Variants in SEC31A observed in about 807,000 individuals in gnomAD.
SEC31A encodes the protein protein transport protein Sec31A.
In SEC31A, 70 loss-of-function variants were observed where a neutral mutation model predicts 151.0. The observed-to-expected ratio is 0.46, with a 90% confidence interval of 0.38 to 0.57. SEC31A has a LOEUF of 0.57. SEC31A is among the 20% of genes least tolerant of loss of function. The pLI is 0.00. For synonymous variants in SEC31A, 475 were observed against 505.9 expected, an observed-to-expected ratio of 0.94 and a Z score of 0.82; for missense variants, 1,330 against 1,471.2, an observed-to-expected ratio of 0.90 and a Z score of 1.57.
At chr4:82,852,351 C>T (rs1247726302) in intron 18 of SEC31A, among the ~76,000 whole-genome samples, 1 of 152,186 alleles carries the variant, frequency 6.6e-6, no homozygotes, top group East Asian at 1.9e-4. Flanking sequence ...AATAGTACTA[C>T]TATGAGGTGA....
intron 3 of SEC31A, chr4:82,897,761 G>A (rs552748559): frequency 6.6e-6 from 1 of 151,788 alleles, no homozygotes. Context: ...AAAATGAAAT[G>A]AAATTAAAAA....
chr4:82,897,476 T>C (rs1720112234), intron 3 of SEC31A, among the ~76,000 whole-genome samples: 1 of 152,214 alleles, frequency 6.6e-6, no homozygotes, highest in African/African-American at 2.4e-5. Flanking sequence ...AGAGTTATTA[T>C]GAGAAATAAA....
intron 10 of SEC31A, among the ~76,000 whole-genome samples, chr4:82,866,400 G>C (rs1735405145): frequency 6.6e-6 from 1 of 152,048 alleles, no homozygotes. Flanking sequence ...GAACCAAGGA[G>C]GCGGAGGTTG....
chr4:82,850,025 C>G (rs1408917032), intron 19 of SEC31A, among the ~76,000 whole-genome samples: 1 of 151,046 alleles, frequency 6.6e-6, no homozygotes, highest in Admixed American at 6.6e-5. Context: ...GGACGTATTC[C>G]CCCCACCAAA....
intron 22 of SEC31A, among the ~76,000 whole-genome samples, chr4:82,841,266 T>C (rs553345480): frequency 1.3e-5 from 2 of 148,654 alleles, no homozygotes; most frequent in Non-Finnish European, 3.0e-5. Context: ...CTACCAAAAA[T>C]ACAAAAATTA....
At chr4:82,854,799 T>C (rs1460490069) in intron 17 of SEC31A, 104 bp downstream of exon 17, 148 of 1,200,206 alleles carry the variant, frequency 1.2e-4, no homozygotes, top group Non-Finnish European at 1.6e-4. Flanking sequence ...TTTTTGTGAT[T>C]TGTAGATTTT....
chr4:82,835,521 G>T (rs781325023), intron 22 of SEC31A, among the ~76,000 whole-genome samples: 42 of 152,200 alleles, frequency 2.8e-4, no homozygotes, highest in Non-Finnish European at 3.8e-4. Context: ...GTAAGGTCAG[G>T]CGTGGTGGCT....
At chr4:82,856,853 C>G (rs1347990689) in intron 16 of SEC31A, 99 bp downstream of exon 16, 8 of 1,003,776 alleles carry the variant, frequency 8.0e-6, no homozygotes, top group Non-Finnish European at 1.1e-5. Flanking sequence ...TTTTAAAATT[C>G]TTTACTGGTT....
At chr4:82,861,574 G>T in intron 14 of SEC31A, 57 bp downstream of exon 14, 1 of 1,139,418 alleles carries the variant, frequency 8.8e-7, no homozygotes, top group Non-Finnish European at 1.3e-6. Context: ...TTATTTTAAT[G>T]TGAGATACAC....
At chr4:82,891,377 C>A (rs1441807047), upstream of SEC31A, 9 of 607,666 alleles carry the variant, frequency 1.5e-5, no homozygotes, top group East Asian at 2.3e-4. Flanking sequence ...CCCCGGCGAT[C>A]GTAGAAACCC....
intron 19 of SEC31A, among the ~76,000 whole-genome samples, chr4:82,850,180 G>T (rs1731191024): frequency 1.3e-5 from 2 of 151,316 alleles, no homozygotes; most frequent in Non-Finnish European, 1.5e-5. Flanking sequence ...TACTGAAAAT[G>T]AATTAAGCTA....
At chr4:82,869,928 A>G (rs1736274777) in intron 8 of SEC31A, among the ~76,000 whole-genome samples, 1 of 152,184 alleles carries the variant, frequency 6.6e-6, no homozygotes, top group South Asian at 2.1e-4. Flanking sequence ...AACTGTATCT[A>G]CTGATTTCCA....
At chr4:82,835,702 T>C (rs1578154332) in intron 22 of SEC31A, among the ~76,000 whole-genome samples, 1 of 151,704 alleles carries the variant, frequency 6.6e-6, no homozygotes, top group Non-Finnish European at 1.5e-5. Context: ...TGCTGAGGCA[T>C]GAGAATTGCT....
chr4:82,882,041 AC>A, intron 1 of SEC31A, 101 bp from the exon 2 acceptor site: 1 of 851,574 alleles, frequency 1.2e-6, no homozygotes, highest in East Asian at 2.5e-5. Context: ...AACCACTACA[AC>A]ATTAGTAATG....
rs765855477 is a variant in SEC31A, at chr4:82,842,249, G to A, written c.2859C>T (p.Phe953=). The change falls in exon 22 of 27, where the codon TTC becomes TTT. Residue 953 remains phenylalanine (F), a synonymous_variant. Transcript: ENST00000395310. ...GTGGAGCTCCTGGTCCGCCATGCTGGAAGGATGCTCCAGAGGAAGGGGGAG... is the reference window on the plus strand; with the variant it reads ...GTGGAGCTCCTGGTCCGCCATGCTGAAAGGATGCTCCAGAGGAAGGGGGAG... The part of the protein sequence containing the change: ...FPPPPSSGAS[F]QHGGPGAPPS... 1.2e-6 allele frequency: 2 copies of A among 1,613,998 alleles called. No homozygotes were observed. The highest frequency in any genetic ancestry group is 3.3e-5 in the Admixed American group (2 of 60,016).
At chr4:82,861,751 G>C (rs1734166415) in intron 13 of SEC31A, 43 bp from the exon 14 acceptor site, 1 of 1,353,402 alleles carries the variant, frequency 7.4e-7, no homozygotes, top group African/African-American at 1.4e-5. Flanking sequence ...GAAGAATGTA[G>C]TATTAAAAGG....
At chr4:82,853,775 T>A in intron 17 of SEC31A, 60 bp from the exon 18 acceptor site, 1 of 1,338,440 alleles carries the variant, frequency 7.5e-7, no homozygotes, top group Non-Finnish European at 1.0e-6. Flanking sequence ...TATGAGGCTG[T>A]GAGCAGCTAA....
rs749543393 is a variant in SEC31A at position 82,851,516 on chromosome 4, G to A, written c.2243C>T (p.Ala748Val). 3.2e-5 allele frequency: 52 copies of A among 1,613,866 alleles called. No individual in the cohort carries two copies. The highest frequency in any genetic ancestry group is 4.2e-5 in the Non-Finnish European group (50 of 1,179,904). ...CAAATTGGCATACTGACTCATCTTC[G>A]CAGCCAAGAGAACTCCTACAGTACT... ...DTSTVGVLLA[A>V]KMSQYANLLA... The change falls in exon 19 of 27, where the codon GCG (alanine) becomes GTG (valine). Residue 748 changes from alanine to valine, a missense_variant. Ala to Val is a moderately conservative substitution (Grantham distance 64). Transcript: ENST00000395310.
intron 22 of SEC31A, chr4:82,831,023 T>C (rs747453122): frequency 3.8e-6 from 3 of 783,154 alleles, no homozygotes; most frequent in South Asian, 4.7e-5. Flanking sequence ...CTGAAGACAT[T>C]CTAAACTTTA....
Sources: allele counts gnomAD v4.1 joint callset (sites outside exome capture counted in the v4.1 genomes callset), GRCh38; gene constraint gnomAD v4.1.1; transcripts MANE v1.5; gene names NCBI Gene and HGNC (gene_info 2026-07-23, HGNC 2026-07-21).